The following PAFAH1B2 variants were observed in gnomAD, a reference collection of about 807,000 sequenced individuals.
The protein encoded by PAFAH1B2 is platelet-activating factor acetylhydrolase IB subunit alpha2.
PAFAH1B2 carries 8 observed loss-of-function variants against 28.0 expected under a neutral mutation model. The observed-to-expected ratio is 0.29, with a 90% CI of 0.17 to 0.52. The LOEUF (loss-of-function observed/expected upper bound fraction) is 0.52, where lower values mean the gene tolerates loss of function less well. Among genes scored for constraint, PAFAH1B2 ranks in the 20% least tolerant of loss-of-function variants. The pLI, the probability that PAFAH1B2 is intolerant of heterozygous loss-of-function variation, is 0.97. For synonymous variants in PAFAH1B2, 104 were observed against 103.2 expected (o/e 1.01, Z -0.05); for missense variants, 190 against 282.6 (o/e 0.67, Z 2.35).
At chr11:117,175,849 G>A, downstream of PAFAH1B2, 1 of 1,478,108 alleles carries the variant, frequency 6.8e-7, no homozygotes. Flanking sequence ...ATCGCTTGAA[G>A]CCAGGAGTTC....
Position 117,168,883 on chromosome 11 carries a change from C to T in PAFAH1B2, c.*1184C>T, listed in dbSNP as rs1365155206. ...TTGGCTCACTGCAGCCTCCACCTCC[C>T]GAGTTCAAATGATTCTCCTGCCTCA... is the stretch of plus-strand genomic sequence containing the variant. On this transcript the variant is annotated 3_prime_UTR_variant, in exon 6 of 6. Coordinates refer to ENST00000527958, the MANE Select transcript of PAFAH1B2 (RefSeq NM_002572.4). The T allele has an allele frequency of 1.5e-5, 6 of 408,170 alleles. No homozygotes were observed. The highest frequency in any genetic ancestry group is 4.3e-5 in the African/African-American group (2 of 46,964). The allele number at this position is 408,170 out of a possible 1,614,324, so 25.3% of individuals were successfully genotyped here. A position where few individuals can be genotyped will look rare whatever the true frequency, so the allele number is the denominator to read the frequency against.
chr11:117,167,572 G>T lies in PAFAH1B2; in HGVS notation c.563G>T (p.Cys188Phe). Residue 188 changes from cysteine to phenylalanine, a missense_variant, in exon 6 of 6, where the codon TGC becomes TTC. Cys to Phe is a radical substitution (Grantham distance 205). Transcript: ENST00000527958. ...GTGCACTCGGACGGTGCCATCTCCT[G>T]CCACGACATGTTTGATTTTCTGCAT... ...GFVHSDGAIS[C>F]HDMFDFLHLT... The T allele has an allele frequency of 6.2e-7, 1 of 1,612,928 alleles. No individual in the cohort carries two copies. Among genetic ancestry groups the T allele is most frequent in the Non-Finnish European group, 8.5e-7 (1 of 1,179,346 alleles).
chr11:117,144,557 T>TG (rs1215631008), intron 1 of PAFAH1B2, 139 bp downstream of exon 1: 363 of 172,152 alleles, frequency 2.1e-3, no homozygotes, highest in African/African-American at 7.7e-3. Flanking sequence ...CCCATCCACT[T>TG]GGGGGGGGCC....
At chr11:117,172,721 T>C (rs1008546140), downstream of PAFAH1B2, among the ~76,000 whole-genome samples, 2 of 152,180 alleles carry the variant, frequency 1.3e-5, no homozygotes, top group African/African-American at 4.8e-5. Context: ...TTTTTATTTT[T>C]TGGAAACAGT....
chr11:117,151,873 A>AT (rs1956159697), intron 1 of PAFAH1B2, among the ~76,000 whole-genome samples: 1 of 151,690 alleles, frequency 6.6e-6, no homozygotes, highest in African/African-American at 2.4e-5. Flanking sequence ...CACCCGGCTA[A>AT]TTTTTTTGTA....
rs1484900158 is a variant in PAFAH1B2, at chr11:117,152,595, A to G, written c.81+67A>G. The G allele has an allele frequency of 6.0e-6, 7 of 1,158,024 alleles. No individual in the cohort carries two copies. In the East Asian group the frequency reaches 1.2e-4, roughly 19 times the overall value. The allele number at this position is 1,158,024 out of a possible 1,614,324, so 71.7% of individuals were successfully genotyped here. On this transcript the variant is annotated intron_variant, in intron 2 of 5. Transcript: ENST00000527958. ...TCCAGTTTTTTGTCTGTTTTGTTTTAGTTTTTGAGACAAGGTCTCACTGTG... is the reference window on the plus strand; with the variant it reads ...TCCAGTTTTTTGTCTGTTTTGTTTTGGTTTTTGAGACAAGGTCTCACTGTG...
chr11:117,177,669 G>A (rs2030059551), downstream of PAFAH1B2, among the ~76,000 whole-genome samples: 1 of 152,196 alleles, frequency 6.6e-6, no homozygotes, highest in Non-Finnish European at 1.5e-5. Flanking sequence ...CCAGTAGCTG[G>A]GATTACAGGC....
intron 4 of PAFAH1B2, among the ~76,000 whole-genome samples, chr11:117,162,887 A>T (rs1182030146): frequency 6.6e-6 from 1 of 152,154 alleles, no homozygotes; most frequent in Non-Finnish European, 1.5e-5. Flanking sequence ...GTGCAGTGGC[A>T]TGATCATGGC....
intron 4 of PAFAH1B2, among the ~76,000 whole-genome samples, chr11:117,162,396 G>A (rs777879581): frequency 5.3e-5 from 8 of 151,598 alleles, no homozygotes; most frequent in Non-Finnish European, 1.0e-4. Context: ...CTCCCGCCCC[G>A]GCCTCCTAAA....
At chr11:117,150,293 C>A (rs1249082507) in intron 1 of PAFAH1B2, among the ~76,000 whole-genome samples, 1 of 152,032 alleles carries the variant, frequency 6.6e-6, no homozygotes, top group Non-Finnish European at 1.5e-5. Context: ...AGCTTACAGG[C>A]GTGTTCCACC....
chr11:117,147,359 A>G (rs1956037926), intron 1 of PAFAH1B2, among the ~76,000 whole-genome samples: 1 of 152,078 alleles, frequency 6.6e-6, no homozygotes. Context: ...CACCACCCCC[A>G]GCTAATTGTT....
intron 1 of PAFAH1B2, among the ~76,000 whole-genome samples, chr11:117,145,224 C>A (rs1199314931): frequency 1.3e-5 from 2 of 152,166 alleles, no homozygotes; most frequent in African/African-American, 4.8e-5. Flanking sequence ...AGATCCGTGC[C>A]TTCTGGTCTA....
At position 117,170,693 on chromosome 11, in the gene PAFAH1B2, A is replaced by G. The variant is rs1956633211; in HGVS notation, c.*2994A>G. ...TTTTTTTAACCTAGTCACTGTTTACAATTGTATGCTAAAGCCTGAAATATT... is the reference window on the plus strand; with the variant it reads ...TTTTTTTAACCTAGTCACTGTTTACGATTGTATGCTAAAGCCTGAAATATT... On this transcript the variant is annotated 3_prime_UTR_variant, in exon 6 of 6. Transcript: ENST00000527958. The G allele has an allele frequency of 9.4e-6, 10 of 1,060,904 alleles. No homozygotes were observed. The East Asian group carries it at 5.1e-4, about 54-fold the overall frequency. The allele number at this position is 1,060,904 out of a possible 1,614,324, so 65.7% of individuals were successfully genotyped here. A position where few individuals can be genotyped will look rare whatever the true frequency, so the allele number is the denominator to read the frequency against.
intron 1 of PAFAH1B2, among the ~76,000 whole-genome samples, chr11:117,148,791 T>C (rs1956074028): frequency 6.6e-6 from 1 of 152,118 alleles, no homozygotes. Context: ...TTTATATAGA[T>C]CATTGGTCTT....
At chr11:117,150,140 A>C (rs1403220273) in intron 1 of PAFAH1B2, among the ~76,000 whole-genome samples, 1 of 152,228 alleles carries the variant, frequency 6.6e-6, no homozygotes, top group African/African-American at 2.4e-5. Flanking sequence ...TTACTGGTTT[A>C]AAAATAAAGC....
chr11:117,154,076 T>C (rs2134181713), intron 2 of PAFAH1B2, among the ~76,000 whole-genome samples: 1 of 151,804 alleles, frequency 6.6e-6, no homozygotes, highest in East Asian at 1.9e-4. Flanking sequence ...ATTGTGCCAC[T>C]GCACTCCAGC....
chr11:117,162,645 T>C (rs1271971125), intron 4 of PAFAH1B2, among the ~76,000 whole-genome samples: 2 of 149,774 alleles, frequency 1.3e-5, no homozygotes, highest in Admixed American at 1.3e-4. Context: ...GTCACACACC[T>C]TAGGAAGCTG....
intron 2 of PAFAH1B2, among the ~76,000 whole-genome samples, chr11:117,154,118 A>AG (rs1956213457): frequency 1.6e-5 from 1 of 64,212 alleles, no homozygotes; most frequent in South Asian, 3.2e-4. Context: ...TATCTCAAAA[A>AG]GAAAAAAAAG....
At chr11:117,144,564 G>A (rs904679497) in intron 1 of PAFAH1B2, 146 bp downstream of exon 1, 2 of 176,340 alleles carry the variant, frequency 1.1e-5, no homozygotes, top group African/African-American at 2.4e-5. Flanking sequence ...ACTTGGGGGG[G>A]GCCTCGCGAG....
Sources: gnomAD v4.1 joint callset for allele counts (sites outside exome capture counted in the v4.1 genomes callset) on GRCh38, gnomAD v4.1.1 for gene constraint, MANE v1.5 for transcripts, NCBI Gene and HGNC (gene_info 2026-07-23, HGNC 2026-07-21) for gene names.